Variants in GRIA3 observed in about 807,000 individuals in gnomAD.
GRIA3 encodes the protein glutamate ionotropic receptor AMPA type subunit 3, also known as glutamate receptor 3.
In GRIA3, 3 loss-of-function variants were observed where a neutral mutation model predicts 63.0. That is an observed-to-expected ratio of 0.05 (90% CI 0.02 to 0.12). The LOEUF (loss-of-function observed/expected upper bound fraction) is 0.12. Among genes scored for constraint, GRIA3 ranks in the 10% least tolerant of loss-of-function variants. The pLI is 1.00. For missense variants in GRIA3, 347 were observed against 700.9 expected (o/e 0.50, Z 5.70); for synonymous variants, 274 against 257.9 (o/e 1.06, Z -0.60).
intron 12 of GRIA3, among the ~76,000 whole-genome samples, chrX:123,451,505 TAAAAAAAA>T (rs56991039): frequency 3.1e-4 from 5 of 16,191 alleles, no homozygotes; most frequent in South Asian, 0.022. Context: ...ACTCTGTCTC[TAAAAAAAA>T]AAAAAAAAAA....
intron 12 of GRIA3, among the ~76,000 whole-genome samples, chrX:123,440,733 T>C (rs188646706): frequency 8.0e-5 from 9 of 112,698 alleles, no homozygotes; most frequent in African/African-American, 2.9e-4. Flanking sequence ...TTTCTTCCAT[T>C]CTGTAGGTTG....
chrX:123,213,818 A>G (rs189247371), intron 2 of GRIA3, among the ~76,000 whole-genome samples: 2 of 112,034 alleles, frequency 1.8e-5, no homozygotes, highest in Non-Finnish European at 3.8e-5. Flanking sequence ...AAATAGACAC[A>G]AAATGCAAAA....
intron 3 of GRIA3, among the ~76,000 whole-genome samples, chrX:123,315,095 C>T (rs2147325480): frequency 9.0e-6 from 1 of 111,517 alleles, no homozygotes; most frequent in Non-Finnish European, 1.9e-5. Context: ...ACTGGGGTCA[C>T]CTTCTGTTCA....
intron 4 of GRIA3, among the ~76,000 whole-genome samples, chrX:123,344,016 T>C (rs1054877369): frequency 4.5e-5 from 5 of 111,754 alleles, no homozygotes; most frequent in Admixed American, 1.9e-4. Flanking sequence ...CTAGTTACTC[T>C]TAATGTACAG....
intron 5 of GRIA3, among the ~76,000 whole-genome samples, chrX:123,373,193 A>G (rs1009648076): frequency 9.0e-6 from 1 of 110,655 alleles, no homozygotes; most frequent in African/African-American, 3.3e-5. Context: ...AAGGACATGA[A>G]CTCATCATTT....
At chrX:123,275,797 C>G (rs2044551282) in intron 3 of GRIA3, among the ~76,000 whole-genome samples, 1 of 111,964 alleles carries the variant, frequency 8.9e-6, no homozygotes, top group South Asian at 3.7e-4. Flanking sequence ...ATTAACACCT[C>G]CTCCATGAAG....
intron 2 of GRIA3, among the ~76,000 whole-genome samples, chrX:123,251,214 A>G (rs186333635): frequency 1.3e-3 from 145 of 111,880 alleles, no homozygotes; most frequent in African/African-American, 4.2e-3. Context: ...TGTTATCATT[A>G]TTATTGTCAA....
intron 3 of GRIA3, among the ~76,000 whole-genome samples, chrX:123,313,985 A>T (rs1356303815): frequency 9.4e-6 from 1 of 106,906 alleles, no homozygotes; most frequent in Non-Finnish European, 1.9e-5. Flanking sequence ...GACTGGTAGC[A>T]CTCCTTCCTC....
intron 3 of GRIA3, among the ~76,000 whole-genome samples, chrX:123,285,180 C>T (rs1018053104): frequency 9.0e-6 from 1 of 111,129 alleles, no homozygotes; most frequent in African/African-American, 3.3e-5. Flanking sequence ...GAAATAAAAT[C>T]CTTTACAGAC....
chrX:123,185,732 G>C (rs1241001920), intron 1 of GRIA3, 100 bp from the exon 2 acceptor site: 2 of 642,663 alleles, frequency 3.1e-6, no homozygotes, highest in African/African-American at 4.4e-5. Flanking sequence ...CCACACCCCA[G>C]TATCATTGAG....
chrX:123,451,518 A>T (rs1233957905), intron 12 of GRIA3, among the ~76,000 whole-genome samples: 2 of 94,577 alleles, frequency 2.1e-5, no homozygotes, highest in African/African-American at 9.4e-5. Context: ...AAAAAAAAAA[A>T]AAAAAAAAAA....
chrX:123,405,049 T>C, intron 10 of GRIA3, 135 bp downstream of exon 10: 3 of 535,887 alleles, frequency 5.6e-6, no homozygotes, highest in Middle Eastern at 9.1e-4. Context: ...AATATATTCT[T>C]CTACAGTTGC....
At chrX:123,206,972 C>G (rs1927905182) in intron 2 of GRIA3, among the ~76,000 whole-genome samples, 1 of 111,290 alleles carries the variant, frequency 9.0e-6, no homozygotes, top group Non-Finnish European at 1.9e-5. Flanking sequence ...TACAAGGGCC[C>G]TTCACTTTCT....
At chrX:123,398,888 C>A in intron 7 of GRIA3, 85 bp downstream of exon 7, 1 of 764,093 alleles carries the variant, frequency 1.3e-6, no homozygotes, top group Non-Finnish European at 2.0e-6. Context: ...AGAAGACATA[C>A]TAAAAGGAAT....
intron 12 of GRIA3, among the ~76,000 whole-genome samples, chrX:123,462,576 C>T (rs2045798864): frequency 9.0e-6 from 1 of 111,608 alleles, no homozygotes; most frequent in Non-Finnish European, 1.9e-5. Flanking sequence ...TGGCTCAGGC[C>T]GGTAATCCCA....
chrX:123,366,934 G>A (rs1440326233), intron 5 of GRIA3, among the ~76,000 whole-genome samples: 2 of 111,720 alleles, frequency 1.8e-5, no homozygotes, highest in Non-Finnish European at 3.8e-5. Context: ...GCCTCAAAAT[G>A]TAACAAGTTC....
intron 10 of GRIA3, among the ~76,000 whole-genome samples, chrX:123,410,806 G>T (rs2045500970): frequency 1.8e-5 from 2 of 111,532 alleles, no homozygotes; most frequent in South Asian, 7.6e-4. Context: ...AAAGAGTGGG[G>T]AAAATATTTC....
chrX:123,465,185 T>C, intron 13 of GRIA3, 73 bp downstream of exon 13: 2 of 1,041,892 alleles, frequency 1.9e-6, no homozygotes, highest in Non-Finnish European at 1.3e-6. Flanking sequence ...TGTTGTCATT[T>C]TCTTTCTTGT....
At chrX:123,202,185 G>A (rs929750719) in intron 2 of GRIA3, among the ~76,000 whole-genome samples, 7 of 112,098 alleles carry the variant, frequency 6.2e-5, no homozygotes, top group Non-Finnish European at 1.1e-4. Context: ...CTCAGATATC[G>A]TCGCATTTCC....
Sources: allele counts gnomAD v4.1 joint callset (sites outside exome capture counted in the v4.1 genomes callset), GRCh38; gene constraint gnomAD v4.1.1; transcripts MANE v1.5; gene names NCBI Gene and HGNC (gene_info 2026-07-23, HGNC 2026-07-21).